The following IFT81 variants were observed in gnomAD, a reference collection of about 807,000 sequenced individuals.
IFT81 encodes intraflagellar transport 81.
IFT81 carries 72 observed loss-of-function variants against 102.6 expected under a neutral mutation model. The observed-to-expected ratio is 0.70, with a 90% CI of 0.58 to 0.85. The LOEUF (loss-of-function observed/expected upper bound fraction) is 0.85, where lower values mean the gene tolerates loss of function less well. Among genes scored for constraint, IFT81 ranks in the 40% least tolerant of loss-of-function variants. The probability of loss-of-function intolerance (pLI) is 0.00; values close to 1 mark genes in which losing one functional copy is unlikely to be tolerated. For missense variants in IFT81, 723 were observed against 787.3 expected (o/e 0.92, Z 0.98); for synonymous variants, 237 against 242.7 (o/e 0.98, Z 0.22).
At chr12:110,190,700 A>C (rs928295485) in intron 12 of IFT81, among the ~76,000 whole-genome samples, 1 of 152,222 alleles carries the variant, frequency 6.6e-6, no homozygotes, top group Admixed American at 6.5e-5. Flanking sequence ...GTCTACGATT[A>C]GAAATACTTC....
chr12:110,205,624 T>C lies in IFT81; in HGVS notation c.1746T>C (p.Thr582=), dbSNP rs369947967. ...KNLEVQLRRA[T]DEMKAYISSD... The stretch of plus-strand genomic sequence containing the variant: ...TAGAAGTTCAACTTCGTCGTGCTAC[T>C]GATGAGATGAAGGCATATATCTCTT... Residue 582 remains threonine, a synonymous_variant, in exon 17 of 19, where the codon ACT becomes ACC. Coordinates refer to ENST00000242591, the MANE Select transcript of IFT81 (RefSeq NM_014055.4). 6.2e-6 allele frequency: 10 copies of C among 1,604,772 alleles called. No individual in the cohort carries two copies. Among genetic ancestry groups the C allele is most frequent in the Non-Finnish European group, 6.8e-6 (8 of 1,177,480 alleles).
chr12:110,135,866 GAAAA>G (rs199705020), intron 7 of IFT81, among the ~76,000 whole-genome samples: 17 of 107,582 alleles, frequency 1.6e-4, no homozygotes, highest in African/African-American at 4.7e-4. Flanking sequence ...GACTTTGTCT[GAAAA>G]AAAAAAAAAA....
At chr12:110,162,627 G>T in intron 10 of IFT81, 1 of 229,988 alleles carries the variant, frequency 4.3e-6, no homozygotes, top group South Asian at 7.0e-5. Flanking sequence ...GAGCCACCAT[G>T]CCTGGCCTAA....
chr12:110,166,780 A>G (rs1308866602), intron 11 of IFT81, among the ~76,000 whole-genome samples: 1 of 151,154 alleles, frequency 6.6e-6, no homozygotes, highest in Non-Finnish European at 1.5e-5. Context: ...TAGGAATCAT[A>G]TTTGACTCTA....
At chr12:110,200,941 C>T (rs769114400) in intron 14 of IFT81, among the ~76,000 whole-genome samples, 1 of 151,758 alleles carries the variant, frequency 6.6e-6, no homozygotes, top group East Asian at 2.0e-4. Flanking sequence ...CAGAGCAAGA[C>T]TCTGTCTTGA....
rs565591872 is a variant in IFT81, at chr12:110,184,218, C to T, written c.1338+3647C>T. Among the ~76,000 whole-genome samples the T allele has an allele frequency of 7.9e-5, 12 of 152,108 alleles. 1 individual carries two copies. The South Asian group carries it at 1.0e-3, about 13-fold the overall frequency. On this transcript the variant is annotated intron_variant, in intron 12 of 18. Coordinates refer to ENST00000242591, the MANE Select transcript of IFT81 (RefSeq NM_014055.4). ...GCAAAAAATTATCCGGGCGTGGTGG[C>T]GGGCACCTGTAGTCCCAGCCACTCG...
At chr12:110,137,722 TG>T (rs1465653356) in intron 8 of IFT81, among the ~76,000 whole-genome samples, 1 of 152,052 alleles carries the variant, frequency 6.6e-6, no homozygotes, top group Non-Finnish European at 1.5e-5. Context: ...GGCGACAGAC[TG>T]AGACTCTGTC....
intron 7 of IFT81, 127 bp downstream of exon 7, chr12:110,135,564 T>C (rs560019329): frequency 2.8e-4 from 165 of 587,294 alleles, no homozygotes; most frequent in Middle Eastern, 4.8e-4. Context: ...TGGAATACTC[T>C]TTTAATTAAG....
chr12:110,140,909 T>C (rs1223173518), intron 8 of IFT81, among the ~76,000 whole-genome samples: 1 of 151,680 alleles, frequency 6.6e-6, no homozygotes, highest in Non-Finnish European at 1.5e-5. Flanking sequence ...ATTTTTTTAG[T>C]AGAGACGGGG....
At chr12:110,171,285 A>C (rs1896713543) in intron 11 of IFT81, among the ~76,000 whole-genome samples, 1 of 150,182 alleles carries the variant, frequency 6.7e-6, no homozygotes, top group Non-Finnish European at 1.5e-5. Context: ...TTTTCTGGAG[A>C]ATTAACTGCT....
chr12:110,143,447 A>G lies in IFT81; in HGVS notation c.847A>G (p.Lys283Glu), dbSNP rs780428578. Residue 283 changes from lysine (K) to glutamate (E), a missense_variant, in exon 9 of 19, where the codon AAA becomes GAA. Transcript: ENST00000242591. ...ATATATGGTAACTGAAAAATTTCCT[A>G]AAGAATTAGAAAATAAGAAAAAGGA... ...NLYMVTEKFPKELENKKKELH... is the reference protein window; with the variant it reads ...NLYMVTEKFPEELENKKKELH... 1.3e-6 allele frequency: 2 copies of G among 1,543,586 alleles called. No individual in the cohort carries two copies. Among genetic ancestry groups the G allele is most frequent in the Non-Finnish European group, 1.7e-6 (2 of 1,152,146 alleles).
At chr12:110,198,246 A>C (rs1898101816) in intron 14 of IFT81, among the ~76,000 whole-genome samples, 1 of 151,932 alleles carries the variant, frequency 6.6e-6, no homozygotes, top group Admixed American at 6.6e-5. Flanking sequence ...CGCAGTAAAG[A>C]ATCATTACAA....
Position 110,128,168 on chromosome 12 carries a change from A to T in IFT81, c.248+19A>T. ...CAGATATGTAAGAATCTGATCACGT[A>T]TTGAGTTTTTAAAATTATGCTTTAA... On this transcript the variant is annotated intron_variant, in intron 3 of 18. Coordinates refer to ENST00000242591, the MANE Select transcript of IFT81 (RefSeq NM_014055.4). 1 of 1,479,970 alleles carries T rather than the reference A, an allele frequency of 6.8e-7. No homozygotes were observed. Among genetic ancestry groups the T allele is most frequent in the Admixed American group, 1.7e-5 (1 of 59,124 alleles). 91.7% of individuals were successfully genotyped at this position (1,479,970 alleles called of 1,614,324 possible).
At chr12:110,128,804 AAAAAAAG>A in intron 3 of IFT81, 139 bp from the exon 4 acceptor site, 1 of 620,802 alleles carries the variant, frequency 1.6e-6, no homozygotes, top group African/African-American at 1.9e-5. Flanking sequence ...AAAAAAAAAA[AAAAAAAG>A]ATTCCTTGGG....
At chr12:110,214,938 G>A (rs1260025583) in intron 18 of IFT81, among the ~76,000 whole-genome samples, 1 of 152,074 alleles carries the variant, frequency 6.6e-6, no homozygotes, top group African/African-American at 2.4e-5. Flanking sequence ...TTTGTTGTAA[G>A]ATACATTATT....
Position 110,128,964 on chromosome 12 carries a change from A to C in IFT81, c.263A>C (p.Gln88Pro). 1 of 1,613,356 alleles carries C rather than the reference A, an allele frequency of 6.2e-7. No homozygotes were observed. Among genetic ancestry groups the C allele is most frequent in the Non-Finnish European group, 8.5e-7 (1 of 1,179,714 alleles). ...GNATDMSTFR[Q>P]GLVIGSKPVI... is the part of the protein sequence containing the mutation. ...TTCTCTCTTAGGAGTACTTTTCGTC[A>C]GGGTTTGGTGATTGGAAGTAAACCT... is the stretch of plus-strand genomic sequence containing the variant. Residue 88 changes from glutamine to proline, a missense_variant, in exon 4 of 19, where the codon CAG becomes CCG. Coordinates refer to ENST00000242591, the MANE Select transcript of IFT81 (RefSeq NM_014055.4).
chr12:110,139,847 T>TAAAATAAAATAAAATAAAATA (rs1225456910), intron 8 of IFT81, among the ~76,000 whole-genome samples: 1 of 118,872 alleles, frequency 8.4e-6, no homozygotes, highest in African/African-American at 4.0e-5. Flanking sequence ...TAAAATAAAA[T>TAAAATAAAATAAAATAAAATA]AAATAAAATA....
At chr12:110,217,851 T>A (rs1231495796) in intron 18 of IFT81, among the ~76,000 whole-genome samples, 193 bp from the exon 19 acceptor site, 8 of 152,214 alleles carry the variant, frequency 5.3e-5, no homozygotes, top group South Asian at 2.1e-4. Flanking sequence ...AAGTGCTAGG[T>A]TTACAGACAT....
chr12:110,135,076 G>C (rs1252586782), intron 6 of IFT81, 63 bp downstream of exon 6: 5 of 1,233,910 alleles, frequency 4.1e-6, no homozygotes, highest in Non-Finnish European at 5.8e-6. Context: ...AAAGATTTAG[G>C]AATGCAAATA....
Sources: gnomAD v4.1 joint callset for allele counts (sites outside exome capture counted in the v4.1 genomes callset) on GRCh38, gnomAD v4.1.1 for gene constraint, MANE v1.5 for transcripts, NCBI Gene and HGNC (gene_info 2026-07-23, HGNC 2026-07-21) for gene names.